Variants in PGLS observed in about 807,000 individuals in gnomAD.
PGLS encodes the protein 6-phosphogluconolactonase, also known as epididymis secretory protein Li 304.
A neutral mutation model predicts 23.2 loss-of-function variants in PGLS; 21 were observed. That is an observed-to-expected ratio of 0.91 (90% CI 0.64 to 1.31). The LOEUF is 1.31. Ranked by LOEUF, PGLS falls within the 50% of genes most tolerant of loss-of-function variation. The probability of loss-of-function intolerance (pLI) is 0.00; values close to 1 mark genes in which losing one functional copy is unlikely to be tolerated. For missense variants in PGLS, 410 were observed against 354.0 expected (o/e 1.16, Z -1.27); for synonymous variants, 179 against 165.4 (o/e 1.08, Z -0.63).
intron 1 of PGLS, among the ~76,000 whole-genome samples, chr19:17,515,203 GTGTCC>G (rs1418265226): frequency 3.3e-5 from 5 of 152,140 alleles, no homozygotes; most frequent in Non-Finnish European, 1.5e-5. Context: ...GGATACGATT[GTGTCC>G]CTCCCCAGCT....
chr19:17,513,051 A>C (rs1455319734), intron 1 of PGLS: 1 of 152,194 alleles, frequency 6.6e-6, no homozygotes, highest in Non-Finnish European at 1.5e-5. Context: ...GTAGTTGGGT[A>C]CACATTTAAC....
In PGLS at chr19:17,511,822, C is replaced by T. The variant is rs1219441746; in HGVS notation, c.150C>T (p.Leu50=). 9 of 1,517,290 alleles carry T rather than the reference C, an allele frequency of 5.9e-6. No homozygotes were observed. The highest frequency in any genetic ancestry group is 4.2e-4 in the Middle Eastern group (2 of 4,802). 94.0% of individuals were successfully genotyped at this position (1,517,290 alleles called of 1,614,324 possible). A position where few individuals can be genotyped will look rare whatever the true frequency, so the allele number is the denominator to read the frequency against. Residue 50 remains leucine (L), a synonymous_variant, in exon 1 of 5, where the codon CTC becomes CTT. Coordinates refer to ENST00000252603, the MANE Select transcript of PGLS (RefSeq NM_012088.3). ...CGCTCGGCCTGTCGGGCGGGAGCCT[C>T]GTCTCGATGCTAGCCCGCGAGCTAC... ...RFALGLSGGS[L]VSMLARELPA... is the part of the protein sequence containing the mutation.
chr19:17,517,593 G>T, intron 3 of PGLS, 117 bp from the exon 4 acceptor site: 1 of 1,203,458 alleles, frequency 8.3e-7, no homozygotes, highest in South Asian at 1.3e-5. Context: ...TACCCACCAT[G>T]GGATTGTTAG....
chr19:17,519,469 A>C (rs2075547699), intron 4 of PGLS, among the ~76,000 whole-genome samples: 1 of 151,800 alleles, frequency 6.6e-6, no homozygotes. Flanking sequence ...GCGCCATCTC[A>C]GCTCACTGCA....
At chr19:17,512,004 C>G (rs985006668) in intron 1 of PGLS, 44 bp downstream of exon 1, 1 of 1,504,754 alleles carries the variant, frequency 6.6e-7, no homozygotes, top group African/African-American at 1.4e-5. Flanking sequence ...GAGAGGGCCA[C>G]AGCCACCGCC....
At chr19:17,518,677 C>G (rs957527353) in intron 4 of PGLS, 10 of 152,096 alleles carry the variant, frequency 6.6e-5, no homozygotes, top group African/African-American at 2.4e-4. Context: ...ATTATAGGCG[C>G]CTGCCACCAG....
At position 17,511,933 on chromosome 19, in the gene PGLS, C is replaced by CGT; in HGVS notation, c.262_263insTG (p.Ala88ValfsTer24). 1 of 1,550,016 alleles carries CGT rather than the reference C, an allele frequency of 6.5e-7. No homozygotes were observed. The highest frequency in any genetic ancestry group is 8.7e-7 in the Non-Finnish European group (1 of 1,149,442). On this transcript the variant is annotated frameshift_variant, in exon 1 of 5. Coordinates refer to ENST00000252603, the MANE Select transcript of PGLS (RefSeq NM_012088.3). LOFTEE classifies it high-confidence loss of function. Reference sequence around the variant, plus strand: ...ACGAGCGCCTCGTGCCCTTCGATCACGCCGAGAGCACGTACGGCCTCTACC... The same window carrying CGT: ...ACGAGCGCCTCGTGCCCTTCGATCACGTGCCGAGAGCACGTACGGCCTCTACC...
At chr19:17,519,182 C>T (rs963407714) in intron 4 of PGLS, among the ~76,000 whole-genome samples, 1 of 151,090 alleles carries the variant, frequency 6.6e-6, no homozygotes, top group Admixed American at 6.6e-5. Flanking sequence ...GGCGTGGTGG[C>T]GTGCGCCTGT....
chr19:17,517,251 C>T, intron 2 of PGLS, 37 bp from the exon 3 acceptor site: 1 of 1,394,044 alleles, frequency 7.2e-7, no homozygotes, highest in Non-Finnish European at 1.0e-6. Context: ...CCCCTGCCAC[C>T]TACAACCTCT....
In PGLS at chr19:17,517,361, C is replaced by T; in HGVS notation, c.470C>T (p.Ser157Leu). The T allele has an allele frequency of 6.2e-7, 1 of 1,613,866 alleles. No homozygotes were observed. The highest frequency in any genetic ancestry group is 8.5e-7 in the Non-Finnish European group (1 of 1,179,790). Reference sequence around the variant, plus strand: ...GTGGGCCCCGATGGTCACACCTGCTCACTCTTCCCAGACCACCCCCTCCTA... The same window carrying T: ...GTGGGCCCCGATGGTCACACCTGCTTACTCTTCCCAGACCACCCCCTCCTA... ...LGVGPDGHTC[S>L]LFPDHPLLQE... Residue 157 changes from serine to leucine, a missense_variant, in exon 3 of 5, where the codon TCA (serine) becomes TTA (leucine). Transcript: ENST00000252603.
intron 4 of PGLS, 37 bp from the exon 5 acceptor site, chr19:17,520,907 C>T (rs752247336): frequency 2.5e-5 from 38 of 1,529,666 alleles, no homozygotes; most frequent in Non-Finnish European, 3.0e-5. Flanking sequence ...GTGCCTGGGC[C>T]GCAGGCAGGG....
intron 2 of PGLS, 186 bp downstream of exon 2, chr19:17,516,466 G>C: frequency 7.2e-7 from 1 of 1,397,104 alleles, no homozygotes; most frequent in Non-Finnish European, 9.3e-7. Context: ...CTCGGCCTCT[G>C]TTGCCCAGGT....
chr19:17,514,027 C>G (rs1245229818), intron 1 of PGLS, among the ~76,000 whole-genome samples: 1 of 152,178 alleles, frequency 6.6e-6, no homozygotes, highest in Non-Finnish European at 1.5e-5. Context: ...GGACTTGCTC[C>G]TTCTGCCGGT....
chr19:17,514,410 TTTCC>T (rs143525568), intron 1 of PGLS, among the ~76,000 whole-genome samples: 7,829 of 152,052 alleles, frequency 0.051, 347 homozygotes, highest in East Asian at 0.2. Flanking sequence ...AAAGACCCTA[TTTCC>T]TTCCTTCCTT....
intron 1 of PGLS, chr19:17,512,798 G>A (rs571790844): frequency 1.3e-5 from 2 of 152,306 alleles, no homozygotes; most frequent in African/African-American, 2.4e-5. Context: ...CCCCATGCTG[G>A]GTGTGCCGTC....
chr19:17,516,446 C>G, intron 2 of PGLS, 166 bp downstream of exon 2: 1 of 1,408,606 alleles, frequency 7.1e-7, no homozygotes, highest in Non-Finnish European at 9.3e-7. Flanking sequence ...CCTGGGGAGC[C>G]TGAAGGCCAC....
At chr19:17,513,761 G>A (rs961243701) in intron 1 of PGLS, among the ~76,000 whole-genome samples, 1 of 152,218 alleles carries the variant, frequency 6.6e-6, no homozygotes, top group African/African-American at 2.4e-5. Context: ...AGAGGTTGCA[G>A]TGAGCTGAGA....
At chr19:17,519,397 G>GTT (rs990887246) in intron 4 of PGLS, among the ~76,000 whole-genome samples, 6 of 151,770 alleles carry the variant, frequency 4.0e-5, no homozygotes, top group Non-Finnish European at 1.5e-5. Flanking sequence ...TCCAGAAATT[G>GTT]TTTTGTTTGT....
chr19:17,519,492 C>T (rs886295962), intron 4 of PGLS, among the ~76,000 whole-genome samples: 8 of 151,610 alleles, frequency 5.3e-5, no homozygotes, highest in Non-Finnish European at 7.4e-5. Context: ...CTCCACCTCC[C>T]GGGTTCAAGT....
Sources: gnomAD v4.1 joint callset for allele counts (sites outside exome capture counted in the v4.1 genomes callset) on GRCh38, gnomAD v4.1.1 for gene constraint, MANE v1.5 for transcripts, NCBI Gene and HGNC (gene_info 2026-07-23, HGNC 2026-07-21) for gene names.